Variants in RBM25 observed in about 807,000 individuals in gnomAD.
The protein encoded by RBM25 is RNA binding motif protein 25.
RBM25 carries 19 observed loss-of-function variants against 120.7 expected under a neutral mutation model. The observed-to-expected ratio is 0.16, with a 90% CI of 0.11 to 0.23. RBM25 has a LOEUF of 0.23. Among genes scored for constraint, RBM25 ranks in the 10% least tolerant of loss-of-function variants. RBM25 has a pLI of 1.00. For missense variants in RBM25, 605 were observed against 1,041.5 expected (o/e 0.58, Z 5.77); for synonymous variants, 390 against 326.7 (o/e 1.19, Z -2.09).
intron 2 of RBM25, among the ~76,000 whole-genome samples, chr14:73,074,493 G>T (rs60964585): frequency 2.0e-5 from 3 of 152,008 alleles, no homozygotes; most frequent in Admixed American, 2.0e-4. Context: ...ATCACTTTGG[G>T]AGGCTGAGGG....
chr14:73,115,316 C>G (rs1008971067), intron 18 of RBM25, among the ~76,000 whole-genome samples: 1 of 152,164 alleles, frequency 6.6e-6, no homozygotes, highest in African/African-American at 2.4e-5. Context: ...CTGATCCTCT[C>G]CCTCCTCCCA....
chr14:73,067,579 AT>A (rs2099128328), intron 1 of RBM25, among the ~76,000 whole-genome samples: 1 of 116,594 alleles, frequency 8.6e-6, no homozygotes, highest in Non-Finnish European at 1.8e-5. Flanking sequence ...TAATTTTTGT[AT>A]TTTTTTCATG....
At chr14:73,086,435 T>TAA (rs60061334) in intron 5 of RBM25, among the ~76,000 whole-genome samples, 7 of 132,892 alleles carry the variant, frequency 5.3e-5, no homozygotes, top group Admixed American at 7.7e-5. Flanking sequence ...AGACTCCGTC[T>TAA]AAAAAAAAAA....
At position 73,078,576 on chromosome 14, in the gene RBM25, G is replaced by A. The variant is rs139720411; in HGVS notation, c.324+1040G>A. Among the ~76,000 whole-genome samples, 880 of 152,128 alleles carry A rather than the reference G, an allele frequency of 5.8e-3. 28 individuals carry two copies. The highest frequency in any genetic ancestry group is 1.1e-3 in the Non-Finnish European group (78 of 67,994). The stretch of plus-strand genomic sequence containing the variant: ...CCCAGTAATGGCCATAATATTAATA[G>A]TTGTTTTATTTTTCATCCATGATCC... On this transcript the variant is annotated intron_variant, in intron 4 of 18. Coordinates refer to ENST00000261973, the MANE Select transcript of RBM25 (RefSeq NM_021239.3).
intron 4 of RBM25, among the ~76,000 whole-genome samples, chr14:73,079,808 A>G (rs1260006770): frequency 6.6e-6 from 1 of 150,474 alleles, no homozygotes; most frequent in Non-Finnish European, 1.5e-5. Context: ...GTTTTCTTCT[A>G]TTACTTCCAT....
chr14:73,122,121 A>T lies in RBM25; in HGVS notation c.*2316A>T, dbSNP rs1896549442. 6.6e-6 allele frequency: 1 copy of T among 152,194 alleles called. No individual in the cohort carries two copies. The highest frequency in any genetic ancestry group is 1.5e-5 in the Non-Finnish European group (1 of 68,032). The allele number at this position is 152,194 out of a possible 1,614,324, so 9.4% of individuals were successfully genotyped here. A position where few individuals can be genotyped will look rare whatever the true frequency, so the allele number is the denominator to read the frequency against. ...TATTCTAGTGTCTGAAAATACACAT[A>T]AGAAATTTCTATTAAGTTGCTTGAA... On this transcript the variant is annotated 3_prime_UTR_variant, in exon 19 of 19. Coordinates refer to ENST00000261973, the MANE Select transcript of RBM25 (RefSeq NM_021239.3).
intron 4 of RBM25, among the ~76,000 whole-genome samples, chr14:73,082,570 C>T (rs755647823): frequency 6.6e-6 from 1 of 152,148 alleles, no homozygotes; most frequent in Non-Finnish European, 1.5e-5. Context: ...GGATTATAGA[C>T]GTGAGCTACA....
At chr14:73,108,079 A>G (rs1006272957) in intron 13 of RBM25, among the ~76,000 whole-genome samples, 180 bp downstream of exon 13, 3 of 152,270 alleles carry the variant, frequency 2.0e-5, no homozygotes, top group Admixed American at 2.0e-4. Flanking sequence ...AGCTATCAGA[A>G]AAGGATAAAC....
rs1459028427 is a variant in RBM25, at chr14:73,097,184, C to CTTTTTTCTTT, written c.729+86_729+95dup. ...TATACTTTGATTACATGTCAGTTTT[C>CTTTTTTCTTT]TTTTTTCTTTTCTTTTTTTTTTTTT... On this transcript the variant is annotated intron_variant, in intron 7 of 18. Coordinates refer to ENST00000261973, the MANE Select transcript of RBM25 (RefSeq NM_021239.3). 14 of 187,910 alleles carry CTTTTTTCTTT rather than the reference C, an allele frequency of 7.5e-5. 2 individuals are homozygous for CTTTTTTCTTT. The African/African-American group carries it at 1.2e-3, about 16-fold the overall frequency. The allele number at this position is 187,910 out of a possible 1,614,324, so 11.6% of individuals were successfully genotyped here. A position where few individuals can be genotyped will look rare whatever the true frequency, so the allele number is the denominator to read the frequency against.
intron 6 of RBM25, among the ~76,000 whole-genome samples, chr14:73,096,112 G>A (rs1245075608): frequency 6.6e-6 from 1 of 152,052 alleles, no homozygotes; most frequent in Admixed American, 6.6e-5. Flanking sequence ...CGAGGAGCTG[G>A]AATTATAGGC....
In RBM25 at chr14:73,117,188, C is replaced by T. The variant is rs371048982; in HGVS notation, c.2440-2525C>T. Among the ~76,000 whole-genome samples, 202 of 70,066 alleles carry T rather than the reference C, an allele frequency of 2.9e-3. 1 individual carries two copies. Among genetic ancestry groups the T allele is most frequent in the Non-Finnish European group, 4.5e-3 (146 of 32,346 alleles). 46.0% of individuals were successfully genotyped at this position (70,066 alleles called of 152,430 possible). On this transcript the variant is annotated intron_variant, in intron 18 of 18. Coordinates refer to ENST00000261973, the MANE Select transcript of RBM25 (RefSeq NM_021239.3). Reference sequence around the variant, plus strand: ...TTGAGAAAGTGACAGAAATTTCTTTCTTTTAATTTCTTTCTTCTTTTCTTT... The same window carrying T: ...TTGAGAAAGTGACAGAAATTTCTTTTTTTTAATTTCTTTCTTCTTTTCTTT...
intron 1 of RBM25, among the ~76,000 whole-genome samples, chr14:73,061,170 G>T (rs1470920715): frequency 2.7e-5 from 4 of 150,128 alleles, no homozygotes; most frequent in South Asian, 4.2e-4. Flanking sequence ...CAATTCTCTT[G>T]CCTCATCCTC....
At chr14:73,088,248 G>A in intron 6 of RBM25, 87 bp downstream of exon 6, 2 of 1,498,624 alleles carry the variant, frequency 1.3e-6, no homozygotes, top group Non-Finnish European at 1.9e-6. Context: ...CTAATATGGG[G>A]CTTCAAAAGA....
chr14:73,077,349 ATT>A lies in RBM25; in HGVS notation c.157-17_157-16del, dbSNP rs1395966132. The A allele has an allele frequency of 6.4e-7, 1 of 1,570,338 alleles. No individual in the cohort carries two copies. Among genetic ancestry groups the A allele is most frequent in the Admixed American group, 2.0e-5 (1 of 49,990 alleles). On this transcript the variant is annotated intron_variant, in intron 3 of 18. Coordinates refer to ENST00000261973, the MANE Select transcript of RBM25 (RefSeq NM_021239.3). ...AAATTTAATTGCTGGATCAATTTTT[ATT>A]TTGTTTCTTCACCTTAGGTCTTAGT...
intron 1 of RBM25, among the ~76,000 whole-genome samples, chr14:73,058,968 C>T (rs72734442): frequency 0.02 from 3,047 of 152,246 alleles, 46 homozygotes; most frequent in Non-Finnish European, 0.033. Flanking sequence ...GCCCACTTTC[C>T]CTTTCCCTTC....
intron 1 of RBM25, among the ~76,000 whole-genome samples, chr14:73,067,074 T>TTTC (rs1217089830): frequency 2.7e-5 from 4 of 150,356 alleles, no homozygotes; most frequent in Non-Finnish European, 5.9e-5. Flanking sequence ...ATAATTTTTT[T>TTTC]TTTTTTTTTT....
intron 1 of RBM25, among the ~76,000 whole-genome samples, chr14:73,064,315 A>G (rs928220568): frequency 2.0e-5 from 3 of 151,528 alleles, no homozygotes; most frequent in Admixed American, 2.0e-4. Flanking sequence ...AGTAGTTGGT[A>G]ATCTTTTAGG....
At chr14:73,083,131 C>T (rs1465659117) in intron 4 of RBM25, among the ~76,000 whole-genome samples, 3 of 152,012 alleles carry the variant, frequency 2.0e-5, no homozygotes, top group Non-Finnish European at 2.9e-5. Context: ...CAAAACATTT[C>T]TTTATAGATT....
chr14:73,119,843 T>C lies in RBM25; in HGVS notation c.*38T>C. 6.3e-7 allele frequency: 1 copy of C among 1,581,324 alleles called. No individual in the cohort carries two copies. The highest frequency in any genetic ancestry group is 8.5e-7 in the Non-Finnish European group (1 of 1,171,392). ...TTAGAGTTCCATTTCAGATTTCTTC[T>C]TTGCCACCCTTTTAAGGACTTTGAA... On this transcript the variant is annotated 3_prime_UTR_variant, in exon 19 of 19. Coordinates refer to ENST00000261973, the MANE Select transcript of RBM25 (RefSeq NM_021239.3).
Sources: gnomAD v4.1 joint callset for allele counts (sites outside exome capture counted in the v4.1 genomes callset) on GRCh38, gnomAD v4.1.1 for gene constraint, MANE v1.5 for transcripts, NCBI Gene and HGNC (gene_info 2026-07-23, HGNC 2026-07-21) for gene names.